Variants in SUMF1 observed in about 807,000 individuals in gnomAD.
SUMF1 encodes formylglycine-generating enzyme.
In SUMF1, 48 loss-of-function variants were observed where a neutral mutation model predicts 47.6. The ratio of observed to expected loss-of-function variants is 1.01; its 90% confidence interval spans 0.80 to 1.28. The LOEUF is 1.28. Among genes scored for constraint, SUMF1 ranks in the 50% most tolerant of loss-of-function variants. The probability of loss-of-function intolerance (pLI) is 0.00; values close to 1 mark genes in which losing one functional copy is unlikely to be tolerated. For synonymous variants in SUMF1, 230 were observed against 192.1 expected (o/e 1.20, Z -1.63); for missense variants, 571 against 485.4 (o/e 1.18, Z -1.66).
intron 1 of SUMF1, among the ~76,000 whole-genome samples, chr3:4,463,979 C>T (rs1454656580): frequency 6.6e-6 from 1 of 152,118 alleles, no homozygotes. Flanking sequence ...TCTAGTGAAA[C>T]TGAAAATTTC....
At chr3:4,398,170 G>A (rs987902741) in intron 7 of SUMF1, among the ~76,000 whole-genome samples, 4 of 152,048 alleles carry the variant, frequency 2.6e-5, no homozygotes, top group African/African-American at 9.7e-5. Context: ...AGCAATAAAT[G>A]TATATGTATG....
chr3:4,365,976 AG>A (rs1699940285), intron 8 of SUMF1, among the ~76,000 whole-genome samples: 1 of 151,798 alleles, frequency 6.6e-6, no homozygotes, highest in Admixed American at 6.6e-5. Flanking sequence ...TCACTTATGA[AG>A]CTTAGTTTGG....
At chr3:4,382,328 A>ACACAC (rs1182018138) in intron 7 of SUMF1, among the ~76,000 whole-genome samples, 2 of 123,848 alleles carry the variant, frequency 1.6e-5, no homozygotes, top group African/African-American at 7.4e-5. Context: ...ATACACACAC[A>ACACAC]CATACATGCA....
intron 8 of SUMF1, among the ~76,000 whole-genome samples, chr3:4,371,377 T>C (rs1209481554): frequency 1.3e-5 from 2 of 152,184 alleles, no homozygotes; most frequent in Non-Finnish European, 2.9e-5. Flanking sequence ...GAACAATCCA[T>C]TTAAGATAAT....
chr3:4,088,143 G>A (rs1223152116), intron 8 of SUMF1, among the ~76,000 whole-genome samples: 3 of 152,104 alleles, frequency 2.0e-5, no homozygotes, highest in Non-Finnish European at 2.9e-5. Flanking sequence ...GAACTCAGGT[G>A]AGTGTTCTCT....
chr3:4,045,483 C>A (rs1187451449), intron 9 of SUMF1, among the ~76,000 whole-genome samples: 3 of 151,670 alleles, frequency 2.0e-5, no homozygotes. Context: ...AATGCCTATT[C>A]TGCAGCAGTG....
chr3:4,354,318 C>G (rs1699571654), intron 8 of SUMF1, among the ~76,000 whole-genome samples: 1 of 152,102 alleles, frequency 6.6e-6, no homozygotes, highest in African/African-American at 2.4e-5. Context: ...ACTGAAGACA[C>G]CACAGAAAAC....
Position 4,092,778 on chromosome 3 carries a change from G to C in SUMF1, c.1015-24033C>G, listed in dbSNP as rs149887270. Reference sequence around the variant, plus strand: ...CAAGTCTAGAGAGAGTCAAAGAATTGATAAGAAAATTGTTGCATGTGAAAC... The same window carrying C: ...CAAGTCTAGAGAGAGTCAAAGAATTCATAAGAAAATTGTTGCATGTGAAAC... On this transcript the variant is annotated intron_variant and NMD_transcript_variant, in intron 8 of 12. Transcript: ENST00000448413. Among the ~76,000 whole-genome samples the C allele has an allele frequency of 2.3e-3, 350 of 152,202 alleles. 5 individuals carry two copies. The highest frequency in any genetic ancestry group is 8.2e-3 in the African/African-American group (342 of 41,534).
chr3:4,237,315 T>C (rs1417229941), intron 8 of SUMF1, among the ~76,000 whole-genome samples: 2 of 152,120 alleles, frequency 1.3e-5, no homozygotes, highest in Non-Finnish European at 1.5e-5. Flanking sequence ...TTTGGATTTT[T>C]ACAATCCTAA....
chr3:4,052,679 A>G (rs544188126), intron 9 of SUMF1, among the ~76,000 whole-genome samples: 1 of 152,308 alleles, frequency 6.6e-6, no homozygotes, highest in South Asian at 2.1e-4. Context: ...TTGTCCACAT[A>G]ATCTTCTTCT....
intron 8 of SUMF1, among the ~76,000 whole-genome samples, chr3:4,329,477 C>T (rs1374619608): frequency 6.6e-6 from 1 of 152,246 alleles, no homozygotes; most frequent in Non-Finnish European, 1.5e-5. Context: ...ACGGTTTGCA[C>T]CCTCTGAAAC....
chr3:4,359,259 G>A (rs753766805), downstream of SUMF1, among the ~76,000 whole-genome samples: 9 of 152,032 alleles, frequency 5.9e-5, no homozygotes, highest in African/African-American at 4.8e-5. Context: ...TTAAATAAAC[G>A]GCTTGTTAGG....
chr3:4,091,059 C>T (rs943560020), intron 8 of SUMF1, among the ~76,000 whole-genome samples: 9 of 149,980 alleles, frequency 6.0e-5, no homozygotes, highest in African/African-American at 9.8e-5. Flanking sequence ...CCAGCCTGGG[C>T]GACAGAACGA....
chr3:4,167,414 G>A (rs565337194), intron 8 of SUMF1, among the ~76,000 whole-genome samples: 1 of 152,214 alleles, frequency 6.6e-6, no homozygotes, highest in South Asian at 2.1e-4. Flanking sequence ...TTTATAAAGT[G>A]CTGATTGGTC....
intron 9 of SUMF1, among the ~76,000 whole-genome samples, chr3:4,062,620 G>T (rs530480377): frequency 6.6e-6 from 1 of 152,218 alleles, no homozygotes; most frequent in African/African-American, 2.4e-5. Flanking sequence ...AGGAATGAGC[G>T]CAATGTGGTG....
At chr3:4,445,578 C>G (rs539769407) in intron 3 of SUMF1, among the ~76,000 whole-genome samples, 160 of 152,266 alleles carry the variant, frequency 1.1e-3, no homozygotes, top group Middle Eastern at 3.4e-3. Context: ...CTCCTGGCCT[C>G]AGGTGAACAT....
chr3:4,210,127 T>A (rs1258674133), intron 8 of SUMF1, among the ~76,000 whole-genome samples: 1 of 152,128 alleles, frequency 6.6e-6, no homozygotes, highest in African/African-American at 2.4e-5. Context: ...ACTCCTGACC[T>A]CAAGTGATCT....
intron 8 of SUMF1, among the ~76,000 whole-genome samples, chr3:4,133,467 T>C (rs1409725048): frequency 6.6e-6 from 1 of 152,066 alleles, no homozygotes; most frequent in Non-Finnish European, 1.5e-5. Flanking sequence ...ATACAAAGTA[T>C]TGGTCCTCAG....
In SUMF1 at chr3:4,168,957, C is replaced by T. The variant is rs1047140558; in HGVS notation, c.1015-100212G>A. ...ACCATGGTAGATATTGTTCCAGCAA[C>T]GTATTGGTTAAACCCCTGCTGATAG... On this transcript the variant is annotated intron_variant and NMD_transcript_variant, in intron 8 of 12. Transcript: ENST00000448413. Among the ~76,000 whole-genome samples the T allele has an allele frequency of 3.4e-4, 52 of 152,288 alleles. 1 individual carries two copies. The highest frequency in any genetic ancestry group is 6.3e-4 in the Non-Finnish European group (43 of 68,018).
Sources: gnomAD v4.1 joint callset for allele counts (sites outside exome capture counted in the v4.1 genomes callset) on GRCh38, gnomAD v4.1.1 for gene constraint, MANE v1.5 for transcripts, NCBI Gene and HGNC (gene_info 2026-07-23, HGNC 2026-07-21) for gene names.